The following RNFT2 variants were observed in gnomAD, a reference collection of about 807,000 sequenced individuals.
RNFT2 encodes the protein ring finger protein, transmembrane 2.
Under a neutral mutation model 53.0 loss-of-function variants are expected in RNFT2, and 36 were observed. That is an observed-to-expected ratio of 0.68 (90% CI 0.52 to 0.90). The LOEUF (loss-of-function observed/expected upper bound fraction) is 0.90. RNFT2 is among the 40% of genes least tolerant of loss of function. The pLI is 0.00. For synonymous variants in RNFT2, 260 were observed against 253.2 expected (o/e 1.03, Z -0.26); for missense variants, 514 against 585.6 (o/e 0.88, Z 1.26).
intron 7 of RNFT2, among the ~76,000 whole-genome samples, chr12:116,787,746 A>C (rs1219706827): frequency 6.6e-6 from 1 of 151,416 alleles, no homozygotes; most frequent in Non-Finnish European, 1.5e-5. Context: ...TATAATGTGT[A>C]TAATGTGTGT....
At chr12:116,740,197 G>A (rs1480878360) in intron 1 of RNFT2, 148 bp from the exon 2 acceptor site, 6 of 261,564 alleles carry the variant, frequency 2.3e-5, no homozygotes, top group Non-Finnish European at 3.7e-5. Context: ...AAAAAAAAAG[G>A]AGTTTCAAGG....
chr12:116,841,395 G>A (rs1025084923), intron 10 of RNFT2, among the ~76,000 whole-genome samples: 1 of 152,116 alleles, frequency 6.6e-6, no homozygotes, highest in African/African-American at 2.4e-5. Context: ...GGAGGCTGCA[G>A]TGAGCCGAGA....
chr12:116,815,872 T>C (rs997675254), intron 7 of RNFT2, among the ~76,000 whole-genome samples: 13 of 152,144 alleles, frequency 8.5e-5, no homozygotes, highest in African/African-American at 1.9e-4. Flanking sequence ...GCAGGACAGA[T>C]CCACACTTGA....
rs113591947 is a variant in RNFT2 at position 116,849,724 on chromosome 12, C to T, written c.*276C>T. On this transcript the variant is annotated 3_prime_UTR_variant, in exon 11 of 11. Transcript: ENST00000257575. The stretch of plus-strand genomic sequence containing the variant: ...CTAGATGCATCTTCCTTCTCCACTC[C>T]AAGTCAAGGACCTGGCAATACATGA... 820 of 1,205,296 alleles carry T rather than the reference C, an allele frequency of 6.8e-4. 3 individuals are homozygous for T. The highest frequency in any genetic ancestry group is 2.0e-3 in the Middle Eastern group (6 of 3,074). The allele number at this position is 1,205,296 out of a possible 1,614,324, so 74.7% of individuals were successfully genotyped here.
At chr12:116,763,876 CATT>C (rs1268073179) in intron 5 of RNFT2, among the ~76,000 whole-genome samples, 1 of 151,968 alleles carries the variant, frequency 6.6e-6, no homozygotes, top group East Asian at 1.9e-4. Context: ...GAAAAGAAGT[CATT>C]ATACGAAAAA....
chr12:116,796,957 A>G (rs1874531764), intron 7 of RNFT2, among the ~76,000 whole-genome samples: 2 of 152,206 alleles, frequency 1.3e-5, no homozygotes, highest in African/African-American at 4.8e-5. Context: ...GATCATTTTT[A>G]GTTGGCACCA....
At chr12:116,835,448 C>T (rs567944568) in intron 8 of RNFT2, among the ~76,000 whole-genome samples, 1 of 152,322 alleles carries the variant, frequency 6.6e-6, no homozygotes, top group South Asian at 2.1e-4. Flanking sequence ...ATCCATACAT[C>T]CTTCTCTTTC....
chr12:116,740,523 T>C lies in RNFT2; in HGVS notation c.24+2T>C. Reference sequence around the variant, plus strand: ...ATGTGGCTCTTCACAGTGAATCAGGTGACACGTCTCCAAGAGAATTTGCAT... The same window carrying C: ...ATGTGGCTCTTCACAGTGAATCAGGCGACACGTCTCCAAGAGAATTTGCAT... On this transcript the variant is annotated splice_donor_variant, in intron 2 of 10. Transcript: ENST00000257575. LOFTEE classifies it high-confidence loss of function. The C allele has an allele frequency of 6.4e-7, 1 of 1,570,282 alleles. No homozygotes were observed. The highest frequency in any genetic ancestry group is 8.6e-7 in the Non-Finnish European group (1 of 1,156,436).
chr12:116,848,092 T>G (rs573092755), intron 10 of RNFT2, among the ~76,000 whole-genome samples: 50 of 152,112 alleles, frequency 3.3e-4, no homozygotes, highest in African/African-American at 9.6e-4. Context: ...TGAGAACATG[T>G]GGTGTTTGGT....
Position 116,750,028 on chromosome 12 carries a change from A to C in RNFT2, c.271A>C (p.Met91Leu). 6.4e-7 allele frequency: 1 copy of C among 1,553,084 alleles called. No homozygotes were observed. Among genetic ancestry groups the C allele is most frequent in the Non-Finnish European group, 8.7e-7 (1 of 1,149,100 alleles). ...TGGCGGCGGGGACGTGTTCATCCAG[A>C]TGCCCGCGTCCAGGGAGGAAGGAGG... ...SAGGGDVFIQ[M>L]PASREEGGGR... Residue 91 changes from methionine to leucine, a missense_variant, in exon 4 of 11, where the codon ATG (methionine) becomes CTG (leucine). Around this residue, in one of 3 missense-constraint regions of RNFT2, gnomAD observed 237 missense variants for 235.1 expected, o/e 1.01. Coordinates refer to ENST00000257575, the MANE Select transcript of RNFT2 (RefSeq NM_001382266.1).
chr12:116,841,820 A>AT (rs1877291503), intron 10 of RNFT2, among the ~76,000 whole-genome samples: 3 of 42,582 alleles, frequency 7.0e-5, no homozygotes, highest in African/African-American at 2.9e-4. Flanking sequence ...TATATATAAA[A>AT]ATATATATAT....
At chr12:116,829,140 A>G (rs1876501712) in intron 7 of RNFT2, among the ~76,000 whole-genome samples, 1 of 152,142 alleles carries the variant, frequency 6.6e-6, no homozygotes. Flanking sequence ...GGCATGGGGC[A>G]GCTGAGGGTG....
intron 7 of RNFT2, among the ~76,000 whole-genome samples, chr12:116,803,929 G>GA (rs1169068472): frequency 6.6e-6 from 1 of 152,214 alleles, no homozygotes; most frequent in Non-Finnish European, 1.5e-5. Flanking sequence ...CTAGGACCCA[G>GA]TCAGAAGGCC....
chr12:116,783,452 C>T (rs927827526), intron 7 of RNFT2, among the ~76,000 whole-genome samples: 3 of 152,218 alleles, frequency 2.0e-5, no homozygotes, highest in Admixed American at 6.5e-5. Flanking sequence ...GCTATACTGT[C>T]GGCTTCCTGG....
Position 116,771,482 on chromosome 12 carries a change from A to T in RNFT2, c.728+4568A>T, listed in dbSNP as rs1353029770. Among the ~76,000 whole-genome samples, 902 of 117,434 alleles carry T rather than the reference A, an allele frequency of 7.7e-3. 15 individuals carry two copies. The highest frequency in any genetic ancestry group is 8.2e-3 in the African/African-American group (296 of 36,316). 77.0% of individuals were successfully genotyped at this position (117,434 alleles called of 152,430 possible). A position where few individuals can be genotyped will look rare whatever the true frequency, so the allele number is the denominator to read the frequency against. ...CGTTAAAAAAAAAAAAAAAAAAAAA[A>T]AAAAAAAAAAAAATACGTATATGAG... On this transcript the variant is annotated intron_variant, in intron 6 of 10. Transcript: ENST00000257575.
At chr12:116,830,222 A>T (rs1876568951) in intron 7 of RNFT2, among the ~76,000 whole-genome samples, 1 of 152,124 alleles carries the variant, frequency 6.6e-6, no homozygotes, top group Non-Finnish European at 1.5e-5. Flanking sequence ...GTTACTACTA[A>T]CCTAAAGACC....
intron 7 of RNFT2, among the ~76,000 whole-genome samples, chr12:116,796,718 C>T (rs1425926867): frequency 4.6e-5 from 7 of 152,202 alleles, no homozygotes; most frequent in Non-Finnish European, 7.3e-5. Context: ...CCCCTCTCCC[C>T]GCCTTCCCTT....
At chr12:116,742,177 T>G (rs1171214103) in intron 3 of RNFT2, among the ~76,000 whole-genome samples, 1 of 151,622 alleles carries the variant, frequency 6.6e-6, no homozygotes, top group African/African-American at 2.4e-5. Flanking sequence ...TTGTGTTTTC[T>G]GGGGGAAAGA....
chr12:116,813,692 T>C (rs762234429), intron 7 of RNFT2, among the ~76,000 whole-genome samples: 14 of 152,226 alleles, frequency 9.2e-5, no homozygotes, highest in African/African-American at 1.4e-4. Context: ...ACATAGCAGG[T>C]ACTCAAAACA....
Sources: allele counts gnomAD v4.1 joint callset (sites outside exome capture counted in the v4.1 genomes callset), GRCh38; gene constraint gnomAD v4.1.1; regional missense constraint gnomAD v4.1.1; transcripts MANE v1.5; gene names NCBI Gene and HGNC (gene_info 2026-07-23, HGNC 2026-07-21).